CDC42BPG: variants seen among roughly 807,000 people sequenced by gnomAD.
CDC42BPG encodes the protein serine/threonine-protein kinase MRCK gamma.
In CDC42BPG, 157 loss-of-function variants were observed where a neutral mutation model predicts 192.2. That is an observed-to-expected ratio of 0.82 (90% CI 0.72 to 0.93). CDC42BPG has a LOEUF of 0.93. CDC42BPG is among the 40% of genes least tolerant of loss of function. The pLI, the probability that CDC42BPG is intolerant of heterozygous loss-of-function variation, is 0.00. For missense variants in CDC42BPG, 1,992 were observed against 2,122.1 expected, an observed-to-expected ratio of 0.94 and a Z score of 1.20; for synonymous variants, 981 against 918.5, an observed-to-expected ratio of 1.07 and a Z score of -1.23.
At chr11:64,838,228 G>A in intron 8 of CDC42BPG, 66 bp from the exon 9 acceptor site, 1 of 1,332,788 alleles carries the variant, frequency 7.5e-7, no homozygotes, top group Admixed American at 2.2e-5. Context: ...AGGCCCAGGA[G>A]CCCCCTGGGA....
chr11:64,842,795 G>GT (rs1943336654), intron 1 of CDC42BPG, among the ~76,000 whole-genome samples: 1 of 152,218 alleles, frequency 6.6e-6, no homozygotes, highest in Non-Finnish European at 1.5e-5. Context: ...GGAGGCAGGA[G>GT]TGATCAGTCA....
chr11:64,841,795 C>T lies in CDC42BPG; in HGVS notation c.252+18G>A. On this transcript the variant is annotated intron_variant, in intron 2 of 36. Coordinates refer to ENST00000342711, the MANE Select transcript of CDC42BPG (RefSeq NM_017525.3). Reference sequence around the variant, plus strand: ...GGTGTGAACACCTCCCCCCACCTACCCCAGGCCCTTTGCTCACCTCCCCAA... The same window carrying T: ...GGTGTGAACACCTCCCCCCACCTACTCCAGGCCCTTTGCTCACCTCCCCAA... 6.2e-7 allele frequency: 1 copy of T among 1,613,774 alleles called. No individual in the cohort carries two copies. The highest frequency in any genetic ancestry group is 8.5e-7 in the Non-Finnish European group (1 of 1,179,776).
chr11:64,836,763 G>A lies in CDC42BPG; in HGVS notation c.1360C>T (p.Gln454Ter). Residue 454 changes from glutamine (Q) to a stop codon, truncating the protein, a stop_gained, in exon 11 of 37, where the codon CAG (glutamine) becomes TAG (stop). Transcript: ENST00000342711. LOFTEE classifies it high-confidence loss of function. Reference sequence around the variant, plus strand: ...CCTGGCAGCCTGTCCCGCAGAGTCTGCACTTCCTTCCGTAGCTGCTCCAGC... The same window carrying A: ...CCTGGCAGCCTGTCCCGCAGAGTCTACACTTCCTTCCGTAGCTGCTCCAGC... ...RELEQLRKEV[Q>*]TLRDRLPEML... 1.3e-6 allele frequency: 2 copies of A among 1,559,308 alleles called. No homozygotes were observed. The highest frequency in any genetic ancestry group is 1.9e-5 in the Admixed American group (1 of 53,384).
chr11:64,838,883 G>C lies in CDC42BPG; in HGVS notation c.896C>G (p.Pro299Arg), dbSNP rs200953793. The C allele has an allele frequency of 6.2e-7, 1 of 1,609,162 alleles. No individual in the cohort carries two copies. Among genetic ancestry groups the C allele is most frequent in the Admixed American group, 1.7e-5 (1 of 59,974 alleles). The change falls in exon 8 of 37, where the codon CCG becomes CGG. Residue 299 changes from proline to arginine, a missense_variant. By Grantham distance (103) the Pro-to-Arg change is moderately radical. Transcript: ENST00000342711. ...GCTGGCTGGCACGTCAGGCACGTCC[G>C]GGGGGAACTGCAGGTGGTCCTGTGG... Reference protein sequence around the residue: ...MNHEDHLQFPPDVPDVPASAQ... With the variant: ...MNHEDHLQFPRDVPDVPASAQ...
rs140918134 is a variant in CDC42BPG, at chr11:64,838,818, C to T, written c.961G>A (p.Glu321Lys). Residue 321 changes from glutamate to lysine, a missense_variant, in exon 8 of 37, where the codon GAG (glutamate) becomes AAG (lysine). Glu to Lys is a moderately conservative substitution (Grantham distance 56, BLOSUM62 1). Coordinates refer to ENST00000342711, the MANE Select transcript of CDC42BPG (RefSeq NM_017525.3). ...LIRQLLCRQEERLGRGGLDDF... is the reference protein window; with the variant it reads ...LIRQLLCRQEKRLGRGGLDDF... ...TCCAGCCCACCACGGCCTAGCCGCT[C>T]TTCCTGGCGACACAGCAGCTGGCGG... The T allele has an allele frequency of 6.2e-7, 1 of 1,612,718 alleles. No homozygotes were observed. The highest frequency in any genetic ancestry group is 1.7e-5 in the Admixed American group (1 of 60,002).
intron 34 of CDC42BPG, 116 bp from the exon 35 acceptor site, chr11:64,826,910 T>A: frequency 7.9e-7 from 1 of 1,268,138 alleles, no homozygotes; most frequent in Non-Finnish European, 1.1e-6. Flanking sequence ...TGGTTTTACT[T>A]AAGTCCCAGG....
rs115839347 is a variant in CDC42BPG at position 64,831,462 on chromosome 11, C to T, written c.3304+43G>A. The T allele has an allele frequency of 3.2e-4, 501 of 1,545,692 alleles. 1 individual carries two copies. Among genetic ancestry groups the T allele is most frequent in the Admixed American group, 2.6e-4 (15 of 58,340 alleles). ...GACTATTCCTAGACACCAGCACTCC[C>T]GCAGGCCTGAACTGCTTCCTCCAGT... On this transcript the variant is annotated intron_variant, in intron 28 of 36. Transcript: ENST00000342711.
At chr11:64,827,892 C>A (rs1317824958) in intron 30 of CDC42BPG, 109 bp from the exon 31 acceptor site, 16 of 896,034 alleles carry the variant, frequency 1.8e-5, no homozygotes, top group Non-Finnish European at 2.7e-5. Context: ...AAGGTCCTTC[C>A]TCTGAAGACT....
intron 19 of CDC42BPG, 24 bp from the exon 20 acceptor site, chr11:64,834,378 C>T (rs1450091039): frequency 6.4e-7 from 1 of 1,562,438 alleles, no homozygotes; most frequent in Non-Finnish European, 8.6e-7. Flanking sequence ...CAAGGGCTCG[C>T]CACTGGCCTC....
chr11:64,839,823 C>T (rs1420168337), intron 5 of CDC42BPG, among the ~76,000 whole-genome samples: 4 of 152,120 alleles, frequency 2.6e-5, no homozygotes, highest in Non-Finnish European at 4.4e-5. Context: ...CTATGGGGGA[C>T]GCAGGAGTCA....
At position 64,836,719 on chromosome 11, in the gene CDC42BPG, G is replaced by GGGGGGGGGGGGGGGGAA; in HGVS notation, c.1384+19_1384+20insTTCCCCCCCCCCCCCCC. On this transcript the variant is annotated intron_variant, in intron 11 of 36. Coordinates refer to ENST00000342711, the MANE Select transcript of CDC42BPG (RefSeq NM_017525.3). ...GGGACTCAGCCCTGGGGGGGGGGGG[G>GGGGGGGGGGGGGGGGAA]GGGTGGGCGGAAGGGATACCTGGCA... 1 of 842,260 alleles carries GGGGGGGGGGGGGGGGAA rather than the reference G, an allele frequency of 1.2e-6. No individual in the cohort carries two copies. The highest frequency in any genetic ancestry group is 1.7e-5 in the South Asian group (1 of 57,652). 52.2% of individuals were successfully genotyped at this position (842,260 alleles called of 1,614,324 possible).
intron 30 of CDC42BPG, 126 bp downstream of exon 30, chr11:64,829,345 G>A: frequency 8.1e-7 from 1 of 1,235,044 alleles, no homozygotes; most frequent in South Asian, 1.4e-5. Flanking sequence ...GGGTGTTGTT[G>A]GGCTGGAGGA....
chr11:64,833,525 G>A (rs1050971944), intron 23 of CDC42BPG, 75 bp downstream of exon 23: 41 of 1,380,364 alleles, frequency 3.0e-5, no homozygotes, highest in Non-Finnish European at 3.8e-5. Flanking sequence ...TGCACGTGGA[G>A]TGTCCCCACA....
At position 64,835,779 on chromosome 11, in the gene CDC42BPG, C is replaced by T. The variant is rs747664197; in HGVS notation, c.1741G>A (p.Glu581Lys). 7.2e-5 allele frequency: 116 copies of T among 1,613,402 alleles called. No individual in the cohort carries two copies. Among genetic ancestry groups the T allele is most frequent in the Non-Finnish European group, 9.4e-5 (111 of 1,179,960 alleles). The stretch of plus-strand genomic sequence containing the variant: ...TTGACTACCTTGGCCTGGGACGACT[C>T]CTCAAGGCGTTGCTCCCACTGTCCC... ...LQGQWEQRLE[E>K]SSQAKTIHTA... Residue 581 changes from glutamate (E) to lysine (K), a missense_variant, in exon 14 of 37, where the codon GAG becomes AAG. Coordinates refer to ENST00000342711, the MANE Select transcript of CDC42BPG (RefSeq NM_017525.3).
At chr11:64,828,879 G>A (rs565878873) in intron 30 of CDC42BPG, among the ~76,000 whole-genome samples, 3 of 152,212 alleles carry the variant, frequency 2.0e-5, no homozygotes, top group African/African-American at 7.2e-5. Context: ...GTGAAACCCC[G>A]TCTCCACTAA....
At chr11:64,833,444 C>A in intron 23 of CDC42BPG, 108 bp from the exon 24 acceptor site, 3 of 955,926 alleles carry the variant, frequency 3.1e-6, no homozygotes, top group South Asian at 1.6e-5. Flanking sequence ...ACCTCCGAGT[C>A]CCAGCCAATC....
Position 64,826,738 on chromosome 11 carries a change from G to C in CDC42BPG, c.4446C>G (p.Ser1482Arg), listed in dbSNP as rs1439649052. The change falls in exon 35 of 37, where the codon AGC (serine) becomes AGG (arginine). Residue 1482 changes from serine (S) to arginine (R), a missense_variant. Physicochemically the swap from Ser to Arg is moderately radical, Grantham distance 110 (BLOSUM62 -1). This residue lies in a region of CDC42BPG where 336 missense variants were observed against 277.9 expected (regional missense o/e 1.21). Transcript: ENST00000342711. ...CTGGGCGCCGCAACGCCTCGGAGAAGCTGTGGGGCCGCTGTGGGCCGGAGC... is the reference window on the plus strand; with the variant it reads ...CTGGGCGCCGCAACGCCTCGGAGAACCTGTGGGGCCGCTGTGGGCCGGAGC... ...ARGSGPQRPH[S>R]FSEALRRPAS... The C allele has an allele frequency of 6.5e-7, 1 of 1,546,262 alleles. No homozygotes were observed. The highest frequency in any genetic ancestry group is 1.4e-5 in the African/African-American group (1 of 73,414).
Position 64,834,920 on chromosome 11 carries a change from C to T in CDC42BPG, c.2104G>A (p.Ala702Thr), listed in dbSNP as rs1232466719. The T allele has an allele frequency of 1.2e-6, 2 of 1,614,118 alleles. No homozygotes were observed. Among genetic ancestry groups the T allele is most frequent in the African/African-American group, 1.3e-5 (1 of 75,062 alleles). Residue 702 changes from alanine to threonine, a missense_variant, in exon 18 of 37, where the codon GCC becomes ACC. Transcript: ENST00000342711. ...TCCAGCTCCTCTGCCATCTTGGTGGCCAGGGCCTGCAGGTAGCCTCTTGAG... is the reference window on the plus strand; with the variant it reads ...TCCAGCTCCTCTGCCATCTTGGTGGTCAGGGCCTGCAGGTAGCCTCTTGAG... ...KVSRGYLQAL[A>T]TKMAEELESL...
In CDC42BPG at chr11:64,841,921, C is replaced by T. The variant is rs968998630; in HGVS notation, c.161-17G>A. On this transcript the variant is annotated splice_polypyrimidine_tract_variant and intron_variant, in intron 1 of 36. Coordinates refer to ENST00000342711, the MANE Select transcript of CDC42BPG (RefSeq NM_017525.3). ...AGGGGCTGGCTGAGGGGACACAGGG[C>T]GGGACTCAGAGTGCAGGGAGGGAGG... 5.1e-5 allele frequency: 80 copies of T among 1,573,154 alleles called. No homozygotes were observed. Among genetic ancestry groups the T allele is most frequent in the Middle Eastern group, 1.7e-4 (1 of 6,032 alleles).
Sources: allele counts gnomAD v4.1 joint callset (sites outside exome capture counted in the v4.1 genomes callset), GRCh38; gene constraint gnomAD v4.1.1; regional missense constraint gnomAD v4.1.1; transcripts MANE v1.5; gene names NCBI Gene and HGNC (gene_info 2026-07-23, HGNC 2026-07-21).